Variants in CNTNAP2 observed in about 807,000 individuals in gnomAD.
CNTNAP2 encodes contactin-associated protein-like 2.
In CNTNAP2, 98 loss-of-function variants were observed where a neutral mutation model predicts 155.2. The ratio of observed to expected loss-of-function variants is 0.63; its 90% CI spans 0.54 to 0.75. CNTNAP2 has a LOEUF of 0.75. CNTNAP2 is among the 30% of genes least tolerant of loss of function. The pLI is 0.00. For missense variants in CNTNAP2, 1,727 were observed against 1,688.1 expected (o/e 1.02, Z -0.40); for synonymous variants, 651 against 631.2 (o/e 1.03, Z -0.47).
In CNTNAP2 at chr7:146,467,626, G is replaced by A. The variant is rs546999237; in HGVS notation, c.98-306645G>A. Among the ~76,000 whole-genome samples the A allele has an allele frequency of 3.3e-5, 5 of 152,210 alleles. No homozygotes were observed. The East Asian group carries it at 7.7e-4, about 23-fold the overall frequency. On this transcript the variant is annotated intron_variant, in intron 1 of 23. Transcript: ENST00000361727. ...TTTTATTTATTTCTATGATGGATAA[G>A]AATATATTTCAGAGTGTTAGTTTCC...
At chr7:147,590,229 T>A (rs548211484) in intron 12 of CNTNAP2, among the ~76,000 whole-genome samples, 1 of 152,172 alleles carries the variant, frequency 6.6e-6, no homozygotes. Flanking sequence ...TTTAAAAAAA[T>A]TATTGATAGC....
At chr7:146,558,890 T>A (rs1272103850) in intron 1 of CNTNAP2, among the ~76,000 whole-genome samples, 1 of 152,228 alleles carries the variant, frequency 6.6e-6, no homozygotes, top group Non-Finnish European at 1.5e-5. Flanking sequence ...TAGCACAATG[T>A]CTACAAGATT....
At chr7:146,351,100 A>C (rs1470424211) in intron 1 of CNTNAP2, among the ~76,000 whole-genome samples, 1 of 151,926 alleles carries the variant, frequency 6.6e-6, no homozygotes, top group Non-Finnish European at 1.5e-5. Context: ...TAATGGGTGC[A>C]GCACACCAGC....
intron 1 of CNTNAP2, among the ~76,000 whole-genome samples, chr7:146,708,950 T>C (rs1801014818): frequency 6.6e-6 from 1 of 152,108 alleles, no homozygotes; most frequent in African/African-American, 2.4e-5. Flanking sequence ...AGATATAAAT[T>C]ATAATTCAGA....
chr7:147,838,691 T>C (rs1360569756), intron 13 of CNTNAP2, among the ~76,000 whole-genome samples: 1 of 152,170 alleles, frequency 6.6e-6, no homozygotes, highest in Non-Finnish European at 1.5e-5. Flanking sequence ...TCTGCCTGGA[T>C]TTTACTGTCC....
At chr7:147,225,607 T>A (rs916486990) in intron 8 of CNTNAP2, among the ~76,000 whole-genome samples, 4 of 152,136 alleles carry the variant, frequency 2.6e-5, no homozygotes, top group Non-Finnish European at 5.9e-5. Flanking sequence ...AAATTGGCTT[T>A]AAATTTATAT....
intron 8 of CNTNAP2, among the ~76,000 whole-genome samples, chr7:147,183,270 A>G (rs929781139): frequency 3.3e-5 from 5 of 152,228 alleles, no homozygotes; most frequent in African/African-American, 1.2e-4. Flanking sequence ...TTTTTAAGTC[A>G]TCAATACTGT....
intron 1 of CNTNAP2, among the ~76,000 whole-genome samples, chr7:146,643,379 G>T (rs1311426972): frequency 6.6e-6 from 1 of 151,932 alleles, no homozygotes; most frequent in African/African-American, 2.4e-5. Context: ...TCTACATATG[G>T]CTAGCCAGTT....
chr7:147,768,344 T>C (rs1797414909), intron 13 of CNTNAP2, among the ~76,000 whole-genome samples: 1 of 152,098 alleles, frequency 6.6e-6, no homozygotes. Context: ...AGGAAGTGTA[T>C]GGCTGAACAA....
Position 146,233,982 on chromosome 7 carries a change from G to A in CNTNAP2, c.97+117009G>A, listed in dbSNP as rs556228482. 2.6e-5 allele frequency among the ~76,000 whole-genome samples: 4 copies of A among 151,088 alleles called. No individual in the cohort carries two copies. In the South Asian group the frequency reaches 6.4e-4, roughly 24 times the overall value. ...TTATAGTCCTTTGGGAATATACCCA[G>A]TAATGGGATGGCTGGGTCAAATGGT... is the stretch of plus-strand genomic sequence containing the variant. On this transcript the variant is annotated intron_variant, in intron 1 of 23. Transcript: ENST00000361727.
chr7:147,983,304 T>G (rs1801564786), intron 15 of CNTNAP2, among the ~76,000 whole-genome samples: 1 of 152,118 alleles, frequency 6.6e-6, no homozygotes, highest in African/African-American at 2.4e-5. Context: ...ATCTCCTTTT[T>G]CTTTGCTGCT....
chr7:147,253,282 C>G (rs1804243065), intron 8 of CNTNAP2, among the ~76,000 whole-genome samples: 1 of 151,910 alleles, frequency 6.6e-6, no homozygotes, highest in Admixed American at 6.6e-5. Context: ...GAAAATGACC[C>G]AGAAGCACCA....
At chr7:146,292,476 G>A (rs1452011701) in intron 1 of CNTNAP2, among the ~76,000 whole-genome samples, 1 of 152,172 alleles carries the variant, frequency 6.6e-6, no homozygotes, top group Non-Finnish European at 1.5e-5. Context: ...AGAAACAAGA[G>A]AACAAGTGTT....
intron 1 of CNTNAP2, among the ~76,000 whole-genome samples, chr7:146,246,294 T>C (rs568578781): frequency 1.8e-3 from 277 of 150,336 alleles, no homozygotes; most frequent in East Asian, 0.015. Flanking sequence ...AGGGCAGCAA[T>C]GAGATGTAGC....
intron 12 of CNTNAP2, among the ~76,000 whole-genome samples, chr7:147,603,242 AT>A (rs748246248): frequency 8.4e-4 from 127 of 152,060 alleles, no homozygotes; most frequent in Non-Finnish European, 1.4e-3. Context: ...GCCAGTGATG[AT>A]GAGCATTTTT....
At chr7:147,436,011 G>A (rs1337209305) in intron 10 of CNTNAP2, among the ~76,000 whole-genome samples, 1 of 151,926 alleles carries the variant, frequency 6.6e-6, no homozygotes, top group African/African-American at 2.4e-5. Context: ...AGTTTCATGT[G>A]ACCATTCAAA....
At chr7:146,628,412 T>C (rs565101746) in intron 1 of CNTNAP2, among the ~76,000 whole-genome samples, 11 of 152,144 alleles carry the variant, frequency 7.2e-5, no homozygotes, top group South Asian at 4.1e-4. Flanking sequence ...TAAATAGAGA[T>C]GTTTAAGAGA....
intron 1 of CNTNAP2, among the ~76,000 whole-genome samples, chr7:146,232,790 C>T (rs1799408072): frequency 6.6e-6 from 1 of 151,982 alleles, no homozygotes; most frequent in Non-Finnish European, 1.5e-5. Context: ...ATGTCAAAGA[C>T]ATTGACATTT....
chr7:146,279,908 AAG>A (rs1288799865), intron 1 of CNTNAP2, among the ~76,000 whole-genome samples: 1 of 151,836 alleles, frequency 6.6e-6, no homozygotes, highest in Non-Finnish European at 1.5e-5. Flanking sequence ...ATGTAGAAAA[AAG>A]TACTATATAC....
Sources: gnomAD v4.1 joint callset for allele counts (sites outside exome capture counted in the v4.1 genomes callset) on GRCh38, gnomAD v4.1.1 for gene constraint, MANE v1.5 for transcripts, NCBI Gene and HGNC (gene_info 2026-07-23, HGNC 2026-07-21) for gene names.